CLPB: variants seen among roughly 807,000 people sequenced by gnomAD.
The protein encoded by CLPB is ClpB family mitochondrial disaggregase.
Under a neutral mutation model 78.4 loss-of-function variants are expected in CLPB, and 40 were observed. That is an observed-to-expected ratio of 0.51 (90% confidence interval 0.40 to 0.66). CLPB has a LOEUF of 0.66. CLPB is among the 30% of genes least tolerant of loss of function. CLPB has a pLI of 0.00. For synonymous variants in CLPB, 333 were observed against 348.0 expected (o/e 0.96, Z 0.48); for missense variants, 780 against 886.9 (o/e 0.88, Z 1.53).
intron 1 of CLPB, 80 bp from the exon 2 acceptor site, chr11:72,430,443 A>T: frequency 8.0e-7 from 1 of 1,256,636 alleles, no homozygotes; most frequent in Non-Finnish European, 1.1e-6. Context: ...CCACTAAGAC[A>T]GTGGCAGTAC....
intron 3 of CLPB, among the ~76,000 whole-genome samples, chr11:72,399,407 GTATATT>G (rs1855500129): frequency 1.3e-5 from 2 of 152,062 alleles, no homozygotes; most frequent in South Asian, 4.2e-4. Flanking sequence ...CCTCTCCTGT[GTATATT>G]TATATTTGTA....
intron 1 of CLPB, among the ~76,000 whole-genome samples, chr11:72,433,511 G>A (rs1440898338): frequency 1.3e-5 from 2 of 151,586 alleles, no homozygotes; most frequent in African/African-American, 2.4e-5. Context: ...CTGCACTCCA[G>A]CTTGGCGACA....
chr11:72,407,995 T>G (rs977786622), intron 2 of CLPB: 1 of 800,146 alleles, frequency 1.2e-6, no homozygotes, highest in African/African-American at 1.7e-5. Context: ...ATCATCTGGC[T>G]AAGCTTTGTC....
chr11:72,353,986 CTATA>C (rs1950660956), intron 5 of CLPB, among the ~76,000 whole-genome samples: 1 of 151,984 alleles, frequency 6.6e-6, no homozygotes, highest in South Asian at 2.1e-4. Flanking sequence ...ATAACAGAGA[CTATA>C]TATAAAGTAC....
At chr11:72,321,243 A>G (rs189972843) in intron 6 of CLPB, among the ~76,000 whole-genome samples, 28 of 152,320 alleles carry the variant, frequency 1.8e-4, no homozygotes, top group Admixed American at 1.6e-3. Context: ...CTAGAGAAGA[A>G]GAGAAGGCAG....
intron 3 of CLPB, among the ~76,000 whole-genome samples, chr11:72,400,884 A>G (rs987435090): frequency 1.3e-5 from 2 of 152,176 alleles, no homozygotes; most frequent in African/African-American, 4.8e-5. Context: ...CTGCTCTGAA[A>G]TCACTGATCA....
intron 2 of CLPB, among the ~76,000 whole-genome samples, chr11:72,405,407 C>T (rs897558926): frequency 7.9e-5 from 12 of 152,104 alleles, no homozygotes; most frequent in African/African-American, 2.9e-4. Flanking sequence ...AAATTTCTTC[C>T]AGAAAAGTGC....
At chr11:72,401,300 G>A (rs1050150265) in intron 3 of CLPB, among the ~76,000 whole-genome samples, 2 of 152,100 alleles carry the variant, frequency 1.3e-5, no homozygotes, top group African/African-American at 4.8e-5. Context: ...AATTAGCTGG[G>A]TGTGGTGGTG....
rs1220134124 is a variant in CLPB, at chr11:72,434,155, A to G, written c.320T>C (p.Val107Ala). The change falls in exon 1 of 16, where the codon GTC becomes GCC. Residue 107 changes from valine (V) to alanine (A), a missense_variant. By Grantham distance (64) the Val-to-Ala change is moderately conservative. Coordinates refer to ENST00000538039, the MANE Select transcript of CLPB (RefSeq NM_001258392.3). ...TLPGQDSWNGVPSRAGLGMCA... is the reference protein window; with the variant it reads ...TLPGQDSWNGAPSRAGLGMCA... ...CATGCCCAGTCCGGCCCTGCTGGGG[A>G]CCCCGTTCCAGCTGTCCTGTCCTGG... The G allele has an allele frequency of 6.2e-7, 1 of 1,612,516 alleles. No individual in the cohort carries two copies. Among genetic ancestry groups the G allele is most frequent in the East Asian group, 2.2e-5 (1 of 44,878 alleles).
intron 5 of CLPB, among the ~76,000 whole-genome samples, chr11:72,341,843 G>C (rs1392152409): frequency 6.6e-6 from 1 of 152,238 alleles, no homozygotes; most frequent in African/African-American, 2.4e-5. Context: ...TTTATAGGCA[G>C]TGGGAACTGC....
chr11:72,373,319 A>G (rs912223510), intron 4 of CLPB, among the ~76,000 whole-genome samples: 1 of 152,196 alleles, frequency 6.6e-6, no homozygotes, highest in African/African-American at 2.4e-5. Flanking sequence ...CCCAATGTTT[A>G]TAACAGTTAC....
chr11:72,382,230 G>A (rs561797334), intron 3 of CLPB, among the ~76,000 whole-genome samples: 42 of 152,084 alleles, frequency 2.8e-4, no homozygotes, highest in Non-Finnish European at 5.4e-4. Context: ...TGGCCCCCAT[G>A]GGATGAGACT....
rs35682727 is a variant in CLPB at position 72,373,960 on chromosome 11, C to CAA, written c.646+6319_646+6320dup. On this transcript the variant is annotated intron_variant, in intron 4 of 15. Coordinates refer to ENST00000538039, the MANE Select transcript of CLPB (RefSeq NM_001258392.3). ...GGGTAACAAGAGCGAAACTCTGTCTCAAAAAAAAAAAAAAAAAAAAAAGAA... is the reference window on the plus strand; with the variant it reads ...GGGTAACAAGAGCGAAACTCTGTCTCAAAAAAAAAAAAAAAAAAAAAAAAGAA... Among the ~76,000 whole-genome samples, 166 of 80,406 alleles carry CAA rather than the reference C, an allele frequency of 2.1e-3. 1 individual carries two copies. The highest frequency in any genetic ancestry group is 4.2e-3 in the African/African-American group (89 of 20,970). The allele number at this position is 80,406 out of a possible 152,430, so 52.7% of individuals were successfully genotyped here.
chr11:72,308,854 C>T (rs1472479813), intron 7 of CLPB, among the ~76,000 whole-genome samples: 1 of 152,104 alleles, frequency 6.6e-6, no homozygotes, highest in Non-Finnish European at 1.5e-5. Flanking sequence ...GATGAGCACT[C>T]AGCGTTGCTA....
rs1949438622 is a variant in CLPB, at chr11:72,290,522, G to A, written c.*2845C>T. ...TGATGATGGAAATGAAAATCAGTAGGCAAAATTTTAAGAATAAGACATTCA... is the reference window on the plus strand; with the variant it reads ...TGATGATGGAAATGAAAATCAGTAGACAAAATTTTAAGAATAAGACATTCA... On this transcript the variant is annotated 3_prime_UTR_variant, in exon 16 of 16. Coordinates refer to ENST00000538039, the MANE Select transcript of CLPB (RefSeq NM_001258392.3). The A allele has an allele frequency of 6.6e-6, 1 of 152,130 alleles. No homozygotes were observed. Among genetic ancestry groups the A allele is most frequent in the Non-Finnish European group, 1.5e-5 (1 of 68,022 alleles). 9.4% of individuals were successfully genotyped at this position (152,130 alleles called of 1,614,324 possible). A position where few individuals can be genotyped will look rare whatever the true frequency, so the allele number is the denominator to read the frequency against.
At chr11:72,428,594 G>C (rs1002429187) in intron 2 of CLPB, among the ~76,000 whole-genome samples, 10 of 152,194 alleles carry the variant, frequency 6.6e-5, no homozygotes, top group Admixed American at 5.9e-4. Context: ...TGAGATGGGG[G>C]CTGAGGGCAG....
At position 72,287,189 on chromosome 11, in the gene CLPB, C is replaced by T. The variant is rs1949400965; in HGVS notation, c.*6178G>A. On this transcript the variant is annotated 3_prime_UTR_variant, in exon 16 of 16. Coordinates refer to ENST00000538039, the MANE Select transcript of CLPB (RefSeq NM_001258392.3). ...TTTGAGTACAATAATAGTTAAAACTCATCTATTTTGGGGGTTGAGTGATGG... is the reference window on the plus strand; with the variant it reads ...TTTGAGTACAATAATAGTTAAAACTTATCTATTTTGGGGGTTGAGTGATGG... 6.6e-6 allele frequency: 1 copy of T among 152,072 alleles called. No homozygotes were observed. The allele number at this position is 152,072 out of a possible 1,614,324, so 9.4% of individuals were successfully genotyped here.
intron 3 of CLPB, among the ~76,000 whole-genome samples, chr11:72,386,833 A>C (rs1300991936): frequency 2.0e-5 from 3 of 152,236 alleles, no homozygotes; most frequent in Non-Finnish European, 4.4e-5. Flanking sequence ...TCATATGTTT[A>C]ATTCATAGAA....
intron 2 of CLPB, among the ~76,000 whole-genome samples, chr11:72,412,953 A>T (rs1855919298): frequency 1.3e-5 from 2 of 152,310 alleles, no homozygotes; most frequent in Middle Eastern, 6.8e-3. Flanking sequence ...TCAAACTTAT[A>T]GAACAGTTAC....
Sources: gnomAD v4.1 joint callset for allele counts (sites outside exome capture counted in the v4.1 genomes callset) on GRCh38, gnomAD v4.1.1 for gene constraint, MANE v1.5 for transcripts, NCBI Gene and HGNC (gene_info 2026-07-23, HGNC 2026-07-21) for gene names.